The following ZNF385D variants were observed in gnomAD, a reference collection of about 807,000 sequenced individuals.
ZNF385D encodes the protein zinc finger protein 385D.
Under a neutral mutation model 35.8 loss-of-function variants are expected in ZNF385D, and 15 were observed. The observed-to-expected ratio is 0.42, with a 90% CI of 0.28 to 0.64. The LOEUF is 0.64. Ranked by LOEUF, ZNF385D falls within the 30% of genes least tolerant of loss-of-function variation. The probability of loss-of-function intolerance (pLI) is 0.23; values close to 1 mark genes in which losing one functional copy is unlikely to be tolerated. For synonymous variants in ZNF385D, 212 were observed against 186.8 expected, an observed-to-expected ratio of 1.13 and a Z score of -1.10; for missense variants, 474 against 494.6, an observed-to-expected ratio of 0.96 and a Z score of 0.39.
intron 2 of ZNF385D, among the ~76,000 whole-genome samples, chr3:22,293,848 T>A (rs9875728): frequency 0.54 from 81,256 of 151,366 alleles, 23,634 homozygotes; most frequent in African/African-American, 0.79. Flanking sequence ...GATCTGTTCC[T>A]GCAATCCCTC....
intron 1 of ZNF385D, among the ~76,000 whole-genome samples, chr3:21,700,193 T>C (rs1305657751): frequency 6.6e-6 from 1 of 151,862 alleles, no homozygotes; most frequent in African/African-American, 2.4e-5. Flanking sequence ...GGCCAGGTTG[T>C]GGGGGTAAAG....
At chr3:21,802,337 G>A (rs1172974553) in intron 3 of ZNF385D, among the ~76,000 whole-genome samples, 1 of 152,038 alleles carries the variant, frequency 6.6e-6, no homozygotes, top group Non-Finnish European at 1.5e-5. Flanking sequence ...AATATCAAAT[G>A]GATTTAATAT....
intron 2 of ZNF385D, among the ~76,000 whole-genome samples, chr3:21,567,414 CAA>C (rs2063187612): frequency 6.6e-6 from 1 of 152,066 alleles, no homozygotes; most frequent in South Asian, 2.1e-4. Context: ...CCAAAATTAA[CAA>C]TGCACAGAGC....
At chr3:21,561,193 A>AAAAAG (rs1171194755) in intron 3 of ZNF385D, among the ~76,000 whole-genome samples, 13 of 152,260 alleles carry the variant, frequency 8.5e-5, no homozygotes, top group African/African-American at 3.1e-4. Context: ...CTGGGGTATG[A>AAAAAG]AAAAGAAAAC....
chr3:21,898,934 C>T (rs9824844), intron 3 of ZNF385D, among the ~76,000 whole-genome samples: 2,655 of 152,228 alleles, frequency 0.017, 76 homozygotes, highest in African/African-American at 0.058. Context: ...CTTCTCCTCA[C>T]GTCTCATTGG....
At chr3:21,448,809 A>G (rs1702291542) in intron 4 of ZNF385D, among the ~76,000 whole-genome samples, 1 of 152,060 alleles carries the variant, frequency 6.6e-6, no homozygotes, top group Non-Finnish European at 1.5e-5. Flanking sequence ...CTCTCCTGTT[A>G]TTCCCATTAG....
intron 3 of ZNF385D, among the ~76,000 whole-genome samples, chr3:21,996,792 C>T (rs1294473542): frequency 2.6e-5 from 4 of 152,134 alleles, no homozygotes; most frequent in Non-Finnish European, 5.9e-5. Context: ...ATGAAGATGT[C>T]TATTCCATCA....
intron 3 of ZNF385D, among the ~76,000 whole-genome samples, chr3:22,093,599 C>T (rs1330197167): frequency 6.6e-6 from 1 of 151,988 alleles, no homozygotes. Context: ...ATTCATTATA[C>T]GAGTTGACAA....
At chr3:22,151,090 C>T (rs900517178) in intron 3 of ZNF385D, among the ~76,000 whole-genome samples, 3 of 152,128 alleles carry the variant, frequency 2.0e-5, no homozygotes, top group African/African-American at 7.2e-5. Context: ...CATGATTTGT[C>T]TCAACTCTGG....
At chr3:21,624,911 G>A (rs1006270212) in intron 2 of ZNF385D, among the ~76,000 whole-genome samples, 17 of 152,094 alleles carry the variant, frequency 1.1e-4, no homozygotes, top group Middle Eastern at 3.4e-3. Flanking sequence ...TGCCAAACCC[G>A]CCTTACCTTC....
At chr3:22,359,448 T>C (rs1431328658) in intron 2 of ZNF385D, among the ~76,000 whole-genome samples, 7 of 151,874 alleles carry the variant, frequency 4.6e-5, no homozygotes, top group Non-Finnish European at 1.0e-4. Context: ...CTTGGGCATA[T>C]TGATAGAACT....
intron 3 of ZNF385D, among the ~76,000 whole-genome samples, chr3:22,140,946 AAAG>A (rs1559401905): frequency 6.6e-6 from 1 of 152,216 alleles, no homozygotes; most frequent in Non-Finnish European, 1.5e-5. Flanking sequence ...TTAGGTTTAC[AAAG>A]AATAAGGTAC....
intron 2 of ZNF385D, among the ~76,000 whole-genome samples, chr3:22,359,315 G>T (rs1357402785): frequency 4.0e-5 from 6 of 151,620 alleles, no homozygotes; most frequent in Admixed American, 6.6e-5. Flanking sequence ...GTAGAATCCA[G>T]TATCACCTAA....
At chr3:22,083,486 A>G (rs951611131) in intron 3 of ZNF385D, among the ~76,000 whole-genome samples, 1 of 152,204 alleles carries the variant, frequency 6.6e-6, no homozygotes, top group African/African-American at 2.4e-5. Flanking sequence ...GGTATCAGTG[A>G]TGGAAGATCA....
chr3:21,730,744 A>G (rs2068958237), intron 1 of ZNF385D, among the ~76,000 whole-genome samples: 1 of 152,354 alleles, frequency 6.6e-6, no homozygotes, highest in African/African-American at 2.4e-5. Flanking sequence ...GTAGCTATCA[A>G]AAAGCCTTCT....
chr3:22,183,232 A>G (rs1695401704), intron 2 of ZNF385D, among the ~76,000 whole-genome samples: 1 of 152,198 alleles, frequency 6.6e-6, no homozygotes, highest in Non-Finnish European at 1.5e-5. Flanking sequence ...TTTATTTTTC[A>G]CAGTCATCTA....
intron 3 of ZNF385D, among the ~76,000 whole-genome samples, chr3:21,879,644 T>TA (rs1392580397): frequency 2.4e-4 from 36 of 151,952 alleles, no homozygotes; most frequent in Admixed American, 8.5e-4. Flanking sequence ...GCACTTCAAT[T>TA]AAAAAATAGT....
At chr3:22,210,861 T>C (rs1697474547) in intron 2 of ZNF385D, among the ~76,000 whole-genome samples, 3 of 151,914 alleles carry the variant, frequency 2.0e-5, no homozygotes, top group African/African-American at 4.8e-5. Flanking sequence ...GAATTACAAA[T>C]TATCTAAACA....
At chr3:21,674,236 A>G (rs2066657284) in intron 1 of ZNF385D, among the ~76,000 whole-genome samples, 2 of 152,058 alleles carry the variant, frequency 1.3e-5, no homozygotes, top group East Asian at 3.9e-4. Flanking sequence ...TTTACGAGCC[A>G]TTTAAGTGCA....
Sources: gnomAD v4.1 joint callset for allele counts (sites outside exome capture counted in the v4.1 genomes callset) on GRCh38, gnomAD v4.1.1 for gene constraint, MANE v1.5 for transcripts, NCBI Gene and HGNC (gene_info 2026-07-23, HGNC 2026-07-21) for gene names.